Variants in STPG2 observed in about 807,000 individuals in gnomAD.
STPG2 encodes the protein sperm-tail PG-rich repeat-containing protein 2.
STPG2 carries 56 observed loss-of-function variants against 54.2 expected under a neutral mutation model. The observed-to-expected ratio is 1.03, with a 90% CI of 0.83 to 1.29. The LOEUF (loss-of-function observed/expected upper bound fraction) is 1.29, where lower values mean the gene tolerates loss of function less well. Ranked by LOEUF, STPG2 falls within the 50% of genes most tolerant of loss-of-function variation. STPG2 has a pLI of 0.00. For missense variants in STPG2, 596 were observed against 544.9 expected (o/e 1.09, Z -0.93); for synonymous variants, 200 against 181.8 (o/e 1.10, Z -0.81).
At chr4:97,472,586 GTAGA>G (rs1729964200) in intron 4 of STPG2, among the ~76,000 whole-genome samples, 1 of 152,162 alleles carries the variant, frequency 6.6e-6, no homozygotes, top group African/African-American at 2.4e-5. Flanking sequence ...ATGTCTTTCA[GTAGA>G]TAAACTAATT....
chr4:97,551,297 A>G (rs1050419775), intron 4 of STPG2, among the ~76,000 whole-genome samples: 4 of 152,204 alleles, frequency 2.6e-5, no homozygotes, highest in Admixed American at 2.0e-4. Flanking sequence ...AGAGTATCTC[A>G]TGATTTCTAA....
intron 9 of STPG2, among the ~76,000 whole-genome samples, chr4:97,731,873 T>A (rs1039766662): frequency 6.6e-6 from 1 of 152,200 alleles, no homozygotes; most frequent in South Asian, 2.1e-4. Flanking sequence ...CCTGCAGCTT[T>A]GTCCTTTGGC....
chr4:97,916,358 C>G (rs139500178), intron 8 of STPG2: 1 of 152,518 alleles, frequency 6.6e-6, no homozygotes, highest in Admixed American at 6.6e-5. Context: ...ATTTATTTAA[C>G]AGCAAGAAGC....
intron 10 of STPG2, among the ~76,000 whole-genome samples, chr4:97,568,071 A>G (rs1732500783): frequency 6.6e-6 from 1 of 152,204 alleles, no homozygotes; most frequent in Admixed American, 6.5e-5. Flanking sequence ...ACAGTGACAA[A>G]TGAACCAACT....
At chr4:98,104,545 T>C (rs1379853173) in intron 5 of STPG2, among the ~76,000 whole-genome samples, 1 of 152,202 alleles carries the variant, frequency 6.6e-6, no homozygotes, top group Non-Finnish European at 1.5e-5. Flanking sequence ...GCAAAGCGTT[T>C]ATTTTATATT....
intron 10 of STPG2, among the ~76,000 whole-genome samples, chr4:97,630,785 GT>G (rs1357587117): frequency 1.3e-5 from 2 of 151,466 alleles, no homozygotes; most frequent in South Asian, 2.1e-4. Flanking sequence ...TCTCATGTTT[GT>G]TTTTTTAATC....
chr4:97,579,494 T>C (rs1732809671), intron 10 of STPG2, among the ~76,000 whole-genome samples: 1 of 152,038 alleles, frequency 6.6e-6, no homozygotes. Context: ...ATTACTTAAT[T>C]TTACAAGGTC....
chr4:97,829,512 T>A (rs1214236433), intron 9 of STPG2, among the ~76,000 whole-genome samples: 3 of 151,998 alleles, frequency 2.0e-5, no homozygotes, highest in African/African-American at 7.2e-5. Context: ...CAAAACTGGA[T>A]GGAGAATGAG....
At chr4:98,101,399 T>A (rs775942359) in intron 5 of STPG2, among the ~76,000 whole-genome samples, 1 of 152,024 alleles carries the variant, frequency 6.6e-6, no homozygotes, top group Non-Finnish European at 1.5e-5. Flanking sequence ...GATTTAAACA[T>A]AATAATTTGA....
intron 4 of STPG2, among the ~76,000 whole-genome samples, chr4:97,518,209 T>C (rs917781793): frequency 5.3e-5 from 8 of 152,210 alleles, no homozygotes; most frequent in Admixed American, 2.0e-4. Context: ...CTATGAGACA[T>C]ACAAAGTTAA....
At chr4:97,981,579 A>T (rs1734676586) in intron 5 of STPG2, among the ~76,000 whole-genome samples, 1 of 152,026 alleles carries the variant, frequency 6.6e-6, no homozygotes. Flanking sequence ...AAATAATCTC[A>T]ACATGAGACT....
chr4:98,023,491 TGAG>T (rs1736301796), intron 5 of STPG2, among the ~76,000 whole-genome samples: 1 of 152,154 alleles, frequency 6.6e-6, no homozygotes, highest in Non-Finnish European at 1.5e-5. Flanking sequence ...GGGAACCACT[TGAG>T]GAGACAGTCT....
intron 5 of STPG2, among the ~76,000 whole-genome samples, chr4:98,012,610 T>C (rs1735794400): frequency 6.6e-6 from 1 of 152,196 alleles, no homozygotes. Flanking sequence ...TTTGTTTGTG[T>C]CCTCTCTTAT....
At chr4:97,757,237 A>G (rs1288133457) in intron 9 of STPG2, among the ~76,000 whole-genome samples, 1 of 152,072 alleles carries the variant, frequency 6.6e-6, no homozygotes, top group African/African-American at 2.4e-5. Context: ...CATCCTTTTC[A>G]TCTGTTCTTT....
chr4:97,562,349 A>G (rs1396139094), intron 10 of STPG2, among the ~76,000 whole-genome samples: 2 of 152,120 alleles, frequency 1.3e-5, no homozygotes, highest in African/African-American at 2.4e-5. Context: ...GGGCTGAGAA[A>G]ATGGGGTTTT....
chr4:97,538,658 C>G (rs1337068597), intron 4 of STPG2, among the ~76,000 whole-genome samples: 4 of 152,160 alleles, frequency 2.6e-5, no homozygotes, highest in Non-Finnish European at 5.9e-5. Context: ...CCTAGCAAGG[C>G]AGGCCAAAAT....
intron 5 of STPG2, among the ~76,000 whole-genome samples, chr4:97,993,193 CT>C (rs1735076090): frequency 6.6e-6 from 1 of 152,084 alleles, no homozygotes; most frequent in African/African-American, 2.4e-5. Context: ...CAACTTTTTT[CT>C]GTTTACTATA....
intron 4 of STPG2, among the ~76,000 whole-genome samples, chr4:97,487,537 A>T (rs1320829436): frequency 6.6e-6 from 1 of 151,186 alleles, no homozygotes; most frequent in Non-Finnish European, 1.5e-5. Context: ...CCAACACACC[A>T]TTTTTTTTAC....
At chr4:97,475,031 T>TA (rs1442921988) in intron 4 of STPG2, among the ~76,000 whole-genome samples, 1 of 152,082 alleles carries the variant, frequency 6.6e-6, no homozygotes, top group African/African-American at 2.4e-5. Context: ...TATTTTTTGT[T>TA]AAAAATATAC....
Sources: allele counts gnomAD v4.1 joint callset (sites outside exome capture counted in the v4.1 genomes callset), GRCh38; gene constraint gnomAD v4.1.1; transcripts MANE v1.5; gene names NCBI Gene and HGNC (gene_info 2026-07-23, HGNC 2026-07-21).